Variants in ENO4 observed in about 807,000 individuals in gnomAD.
ENO4 encodes enolase 4.
A neutral mutation model predicts 63.2 loss-of-function variants in ENO4; 53 were observed. The ratio of observed to expected loss-of-function variants is 0.84; its 90% CI spans 0.67 to 1.05. ENO4 has a LOEUF of 1.05. Ranked by LOEUF, ENO4 falls within the 50% of genes least tolerant of loss-of-function variation. The pLI is 0.00. For synonymous variants in ENO4, 266 were observed against 283.8 expected, an observed-to-expected ratio of 0.94 and a Z score of 0.63; for missense variants, 719 against 772.0, an observed-to-expected ratio of 0.93 and a Z score of 0.81.
intron 10 of ENO4, chr10:116,901,555 C>G: frequency 2.0e-6 from 2 of 985,312 alleles, no homozygotes; most frequent in Non-Finnish European, 2.4e-6. Flanking sequence ...GGAAGTAATT[C>G]TCTTTGTACA....
chr10:116,897,210 C>T (rs1207470859), intron 10 of ENO4, among the ~76,000 whole-genome samples: 1 of 152,132 alleles, frequency 6.6e-6, no homozygotes, highest in Non-Finnish European at 1.5e-5. Context: ...GAGTACTACT[C>T]TAAAAGATAA....
At chr10:116,901,832 G>A in intron 10 of ENO4, 5 of 1,604,456 alleles carry the variant, frequency 3.1e-6, no homozygotes, top group Non-Finnish European at 4.2e-6. Flanking sequence ...TCAGGTGTTG[G>A]GGGGGACGGG....
intron 10 of ENO4, among the ~76,000 whole-genome samples, chr10:116,889,074 T>A (rs565487561): frequency 5.1e-4 from 78 of 152,338 alleles, no homozygotes; most frequent in African/African-American, 1.8e-3. Context: ...GGTGAGCAAC[T>A]TCCATCAACC....
intron 1 of ENO4, 68 bp downstream of exon 1, chr10:116,849,799 C>T: frequency 6.9e-7 from 1 of 1,446,972 alleles, no homozygotes. Context: ...TGCGGCAACG[C>T]CTTGCGCCTG....
rs1378969267 is a variant in ENO4 at position 116,856,697 on chromosome 10, T to G, written c.485+15T>G. 1.3e-6 allele frequency: 2 copies of G among 1,504,004 alleles called. No homozygotes were observed. The highest frequency in any genetic ancestry group is 2.5e-5 in the South Asian group (2 of 79,502). The allele number at this position is 1,504,004 out of a possible 1,614,324, so 93.2% of individuals were successfully genotyped here. ...CACCTACTCAGGTACAGTTTCCACT[T>G]TGAAATATAAACATCAAGTACAAGC... On this transcript the variant is annotated intron_variant, in intron 3 of 13. Coordinates refer to ENST00000341276, the MANE Select transcript of ENO4 (RefSeq NM_001242699.2).
At chr10:116,895,724 A>G (rs748168831) in intron 10 of ENO4, among the ~76,000 whole-genome samples, 7 of 152,180 alleles carry the variant, frequency 4.6e-5, no homozygotes, top group Non-Finnish European at 1.0e-4. Context: ...AACGCAGTAC[A>G]CCATAGTTCA....
intron 10 of ENO4, among the ~76,000 whole-genome samples, chr10:116,875,561 T>TCTCACACACACACACA (rs1554902980): frequency 2.1e-4 from 31 of 148,012 alleles, no homozygotes; most frequent in African/African-American, 4.0e-4. Context: ...TCCAGGCTGG[T>TCTCACACACACACACA]CACACACACA....
chr10:116,898,306 C>T (rs1269607126), intron 10 of ENO4, among the ~76,000 whole-genome samples: 6 of 150,050 alleles, frequency 4.0e-5, no homozygotes, highest in African/African-American at 1.2e-4. Flanking sequence ...CCAGCCTGGG[C>T]GACAGCAAGA....
At chr10:116,889,125 T>C (rs1847254885) in intron 10 of ENO4, among the ~76,000 whole-genome samples, 1 of 152,228 alleles carries the variant, frequency 6.6e-6, no homozygotes, top group African/African-American at 2.4e-5. Context: ...ACCATGGATG[T>C]TTCCATGCTC....
At position 116,859,116 on chromosome 10, in the gene ENO4, C is replaced by T; in HGVS notation, c.612C>T (p.Thr204=). 6.6e-7 allele frequency: 1 copy of T among 1,519,178 alleles called. No homozygotes were observed. Among genetic ancestry groups the T allele is most frequent in the Non-Finnish European group, 8.8e-7 (1 of 1,138,904 alleles). 94.1% of individuals were successfully genotyped at this position (1,519,178 alleles called of 1,614,324 possible). Residue 204 remains threonine (T), a synonymous_variant, in exon 4 of 14, where the codon ACC becomes ACT. Transcript: ENST00000341276. The stretch of plus-strand genomic sequence containing the variant: ...CACCACCACCCCCTCCACCTCCTAC[C>T]AAAAAAAAGGGGCAAAAGCCAGGTT... The part of the protein sequence containing the change: ...VPPPPPPPPP[T]KKKGQKPGRK...
At chr10:116,901,750 A>C (rs1354082411) in intron 10 of ENO4, 2 of 1,571,950 alleles carry the variant, frequency 1.3e-6, no homozygotes, top group Non-Finnish European at 1.7e-6. Flanking sequence ...CTTAGTAAAG[A>C]GCATCGTTAC....
In ENO4 at chr10:116,864,772, CA is replaced by C. The variant is rs1170771541; in HGVS notation, c.990+1921del. 3.9e-5 allele frequency among the ~76,000 whole-genome samples: 6 copies of C among 152,182 alleles called. No homozygotes were observed. In the South Asian group the frequency reaches 6.2e-4, roughly 16 times the overall value. ...CAGTGGCTCACACCTGTAATCCCAG[CA>C]CTTTGGGAGCCTGAGGCGGGCAAAT... On this transcript the variant is annotated intron_variant, in intron 7 of 13. Coordinates refer to ENST00000341276, the MANE Select transcript of ENO4 (RefSeq NM_001242699.2).
chr10:116,869,779 C>T (rs1019367409), intron 8 of ENO4, among the ~76,000 whole-genome samples: 1 of 152,042 alleles, frequency 6.6e-6, no homozygotes, highest in Admixed American at 6.6e-5. Flanking sequence ...TTTCTTTTTC[C>T]CATTAGAAAC....
Position 116,849,721 on chromosome 10 carries a change from AC to A in ENO4, c.156del (p.Tyr52Ter). 6.6e-7 allele frequency: 1 copy of A among 1,525,200 alleles called. No homozygotes were observed. Among genetic ancestry groups the A allele is most frequent in the Non-Finnish European group, 8.8e-7 (1 of 1,134,068 alleles). 94.5% of individuals were successfully genotyped at this position (1,525,200 alleles called of 1,614,324 possible). Reference protein sequence around the residue: ...STFYLQPADVYGHLANCFSKL... With the variant: ...STFYLQPADVXGHLANCFSKL... ...TTCTACCTCCAGCCTGCCGACGTCT[AC>A]GGGCACCTGGTAGGGACCTGGGACA... On this transcript the variant is annotated frameshift_variant, in exon 1 of 14. Coordinates refer to ENST00000341276, the MANE Select transcript of ENO4 (RefSeq NM_001242699.2). LOFTEE classifies it high-confidence loss of function.
intron 10 of ENO4, among the ~76,000 whole-genome samples, chr10:116,888,857 C>G (rs1019581973): frequency 6.6e-6 from 1 of 152,216 alleles, no homozygotes. Flanking sequence ...ATTTATCTGT[C>G]GGCAACTCTA....
intron 11 of ENO4, among the ~76,000 whole-genome samples, chr10:116,878,287 C>T (rs1589764560): frequency 6.6e-6 from 1 of 152,150 alleles, no homozygotes; most frequent in Non-Finnish European, 1.5e-5. Flanking sequence ...AGACTGGCAG[C>T]CAGGGGCCTG....
intron 10 of ENO4, among the ~76,000 whole-genome samples, chr10:116,909,110 T>C (rs750243623): frequency 2.0e-5 from 3 of 152,202 alleles, no homozygotes; most frequent in Non-Finnish European, 2.9e-5. Context: ...TCCTTCACTT[T>C]ATAGAAAAGA....
At chr10:116,900,466 A>C in intron 10 of ENO4, 1 of 1,333,684 alleles carries the variant, frequency 7.5e-7, no homozygotes, top group Non-Finnish European at 1.0e-6. Context: ...TGGAAATGTA[A>C]TTTCCACTTA....
rs535595959 is a variant in ENO4 at position 116,868,743 on chromosome 10, C to T, written c.1047+37C>T. 7.9e-6 allele frequency: 12 copies of T among 1,516,376 alleles called. No individual in the cohort carries two copies. The Admixed American group carries it at 1.6e-4, about 20-fold the overall frequency. The allele number at this position is 1,516,376 out of a possible 1,614,324, so 93.9% of individuals were successfully genotyped here. ...TATTGTTTACCATCCTTCCATATGA[C>T]ACTGTCTATAAATTTCCTGCCCCTT... is the stretch of plus-strand genomic sequence containing the variant. On this transcript the variant is annotated intron_variant, in intron 8 of 13. Coordinates refer to ENST00000341276, the MANE Select transcript of ENO4 (RefSeq NM_001242699.2).
Sources: allele counts gnomAD v4.1 joint callset (sites outside exome capture counted in the v4.1 genomes callset), GRCh38; gene constraint gnomAD v4.1.1; transcripts MANE v1.5; gene names NCBI Gene and HGNC (gene_info 2026-07-23, HGNC 2026-07-21).